The following LGSN variants were observed in gnomAD, a reference collection of about 807,000 sequenced individuals.
The protein encoded by LGSN is lengsin.
Under a neutral mutation model 19.5 loss-of-function variants are expected in LGSN, and 21 were observed. The observed-to-expected ratio is 1.07, with a 90% CI of 0.76 to 1.55. LGSN has a LOEUF of 1.55. Ranked by LOEUF, LGSN falls within the 40% of genes most tolerant of loss-of-function variation. The pLI, the probability that LGSN is intolerant of heterozygous loss-of-function variation, is 0.00. For synonymous variants in LGSN, 257 were observed against 215.6 expected, an observed-to-expected ratio of 1.19 and a Z score of -1.68; for missense variants, 673 against 608.5, an observed-to-expected ratio of 1.11 and a Z score of -1.12.
chr6:63,427,467 T>C, the LGSN span, among the ~76,000 whole-genome samples: 1 of 152,146 alleles, frequency 6.6e-6, no homozygotes. Flanking sequence ...CCGAGGCAGA[T>C]TATAGGAGAA....
chr6:63,383,371 T>TACACACAC, the LGSN span, among the ~76,000 whole-genome samples: 169 of 139,298 alleles, frequency 1.2e-3, 1 homozygote, highest in African/African-American at 3.4e-3. Flanking sequence ...AACCATTACT[T>TACACACAC]ACACACACAC....
At chr6:63,534,043 C>A in the LGSN span, among the ~76,000 whole-genome samples, 2 of 151,916 alleles carry the variant, frequency 1.3e-5, no homozygotes, top group Non-Finnish European at 2.9e-5. Flanking sequence ...GGGGTTTCAC[C>A]ATTTTGGCAG....
the LGSN span, among the ~76,000 whole-genome samples, chr6:63,334,399 CT>C: frequency 1.3e-5 from 2 of 152,026 alleles, no homozygotes; most frequent in African/African-American, 4.8e-5. Flanking sequence ...TAAATTTAAC[CT>C]ATTAGATAGA....
At chr6:63,518,606 T>G in the LGSN span, among the ~76,000 whole-genome samples, 1 of 152,198 alleles carries the variant, frequency 6.6e-6, no homozygotes, top group African/African-American at 2.4e-5. Flanking sequence ...TGATGTTAAA[T>G]AGGTTGTCCA....
At chr6:63,543,572 A>G in the LGSN span, among the ~76,000 whole-genome samples, 2 of 152,340 alleles carry the variant, frequency 1.3e-5, no homozygotes, top group Non-Finnish European at 2.9e-5. Context: ...CATAAGGCAG[A>G]GTGTTGATGA....
chr6:63,327,476 A>G, the LGSN span, among the ~76,000 whole-genome samples: 4 of 152,242 alleles, frequency 2.6e-5, no homozygotes, highest in South Asian at 4.2e-4. Context: ...GTGTAGAAAC[A>G]ACACTCTTCC....
At chr6:63,546,941 A>T in the LGSN span, among the ~76,000 whole-genome samples, 2 of 152,222 alleles carry the variant, frequency 1.3e-5, no homozygotes, top group African/African-American at 2.4e-5. Flanking sequence ...AGTACACCAT[A>T]AATATATTTA....
At chr6:63,440,190 G>T in the LGSN span, among the ~76,000 whole-genome samples, 2 of 152,160 alleles carry the variant, frequency 1.3e-5, no homozygotes, top group East Asian at 3.9e-4. Context: ...CTGCCTTCAA[G>T]CCTAAAACCA....
chr6:63,430,025 T>C, the LGSN span, among the ~76,000 whole-genome samples: 832 of 152,322 alleles, frequency 5.5e-3, 5 homozygotes, highest in African/African-American at 0.018. Flanking sequence ...AACAGACTTC[T>C]CCCTACATCT....
chr6:63,473,726 A>C, the LGSN span, among the ~76,000 whole-genome samples: 8 of 148,886 alleles, frequency 5.4e-5, no homozygotes, highest in Admixed American at 4.8e-4. Flanking sequence ...GGGTCCAAGT[A>C]GTCCTAATCC....
the LGSN span, among the ~76,000 whole-genome samples, chr6:63,432,698 A>C: frequency 6.6e-6 from 1 of 152,134 alleles, no homozygotes; most frequent in East Asian, 1.9e-4. Context: ...TCTCGAAAAA[A>C]AAAAAAGAAA....
At chr6:63,408,943 C>T in the LGSN span, among the ~76,000 whole-genome samples, 861 of 152,262 alleles carry the variant, frequency 5.7e-3, 8 homozygotes, top group African/African-American at 0.019. Context: ...TGGAGTCTTA[C>T]TCTATTGCCC....
chr6:63,478,263 T>G, the LGSN span, among the ~76,000 whole-genome samples: 1 of 152,116 alleles, frequency 6.6e-6, no homozygotes, highest in African/African-American at 2.4e-5. Flanking sequence ...GGTTAGTAAA[T>G]TATTAAGCCA....
chr6:63,332,541 T>C, the LGSN span, among the ~76,000 whole-genome samples: 1 of 152,126 alleles, frequency 6.6e-6, no homozygotes, highest in Non-Finnish European at 1.5e-5. Context: ...GGAAGCTGTT[T>C]CTAGGCAAAT....
chr6:63,549,034 G>T, the LGSN span: 6 of 727,126 alleles, frequency 8.3e-6, no homozygotes, highest in Non-Finnish European at 1.5e-5. Flanking sequence ...TCCACGTCGT[G>T]TGCAATCACC....
In LGSN at chr6:63,285,497, A is replaced by C. The variant is rs1004204120; in HGVS notation, c.330+90T>G. The C allele has an allele frequency of 2.3e-5, 24 of 1,037,258 alleles. No individual in the cohort carries two copies. In the African/African-American group the frequency reaches 2.9e-4, roughly 13 times the overall value. 64.3% of individuals were successfully genotyped at this position (1,037,258 alleles called of 1,614,324 possible). ...GATTTTCAGCTTGAATTGCTGTATA[A>C]GATTACAAGAAAATAAGAAAGAGTA... On this transcript the variant is annotated intron_variant, in intron 3 of 3. Coordinates refer to ENST00000370657, the MANE Select transcript of LGSN (RefSeq NM_016571.3).
the LGSN span, among the ~76,000 whole-genome samples, chr6:63,526,710 C>T: frequency 1.3e-5 from 2 of 149,382 alleles, no homozygotes; most frequent in African/African-American, 2.5e-5. Flanking sequence ...CCGGAGGCTG[C>T]ATTTCTTGAA....
intron 3 of LGSN, among the ~76,000 whole-genome samples, chr6:63,283,354 A>G (rs888692596): frequency 6.6e-6 from 1 of 152,164 alleles, no homozygotes; most frequent in Admixed American, 6.5e-5. Context: ...TTGCAGAATA[A>G]CTTAAATCCT....
the LGSN span, among the ~76,000 whole-genome samples, chr6:63,563,932 TTGAG>T: frequency 6.6e-6 from 1 of 152,214 alleles, no homozygotes; most frequent in Non-Finnish European, 1.5e-5. Context: ...TAAATAGTGG[TTGAG>T]TATTTACTAT....
Sources: allele counts gnomAD v4.1 joint callset (sites outside exome capture counted in the v4.1 genomes callset), GRCh38; gene constraint gnomAD v4.1.1; transcripts MANE v1.5; gene names NCBI Gene and HGNC (gene_info 2026-07-23, HGNC 2026-07-21).